Variants in PCDHGA4 observed in about 807,000 individuals in gnomAD.
PCDHGA4 encodes protocadherin gamma-A4.
Under a neutral mutation model 54.6 loss-of-function variants are expected in PCDHGA4, and 38 were observed. The ratio of observed to expected loss-of-function variants is 0.70; its 90% CI spans 0.54 to 0.91. PCDHGA4 has a LOEUF of 0.91. Among genes scored for constraint, PCDHGA4 ranks in the 40% least tolerant of loss-of-function variants. The probability of loss-of-function intolerance (pLI) is 0.00; values close to 1 mark genes in which losing one functional copy is unlikely to be tolerated. For synonymous variants in PCDHGA4, 511 were observed against 512.9 expected (o/e 1.00, Z 0.05); for missense variants, 1,298 against 1,220.9 (o/e 1.06, Z -0.94).
Position 141,485,418 on chromosome 5 carries a change from G to A in PCDHGA4, c.2515-9389G>A. ...CACTTCCGTGTGGATTTGGACAGCG[G>A]AGCCCTGCTCATCAAGAACCCAATC... On this transcript the variant is annotated intron_variant, in intron 1 of 3. Transcript: ENST00000571252. This position sits in a 1 kb window ranked among gnomAD's most constrained non-coding sequence, Gnocchi z 5.7. 6.2e-7 allele frequency: 1 copy of A among 1,614,174 alleles called. No homozygotes were observed. The highest frequency in any genetic ancestry group is 8.5e-7 in the Non-Finnish European group (1 of 1,180,042).
At chr5:141,397,693 A>G (rs1389804077) in intron 1 of PCDHGA4, among the ~76,000 whole-genome samples, 2 of 152,244 alleles carry the variant, frequency 1.3e-5, no homozygotes, top group East Asian at 1.9e-4. Flanking sequence ...TTGTATAAAA[A>G]CCCAACGTGA....
chr5:141,379,850 ATTATTGTCTTATTCTTAT>A (rs1302175225), intron 1 of PCDHGA4, among the ~76,000 whole-genome samples: 1 of 133,230 alleles, frequency 7.5e-6, no homozygotes, highest in African/African-American at 2.8e-5. Flanking sequence ...AAACTACCAA[ATTATTGTCTTATTCTTAT>A]TTTATGGTCT....
chr5:141,413,695 T>C lies in PCDHGA4; in HGVS notation c.2514+56074T>C, dbSNP rs573363878. The C allele has an allele frequency of 4.8e-5, 77 of 1,613,796 alleles. 1 individual carries two copies. The highest frequency in any genetic ancestry group is 3.0e-4 in the South Asian group (27 of 91,078). ...TGTGGGCGTGAACTCCCTGCAGAGC[T>C]ATCAGCTCAGCCCCAATAAGCACTT... On this transcript the variant is annotated intron_variant, in intron 1 of 3. Transcript: ENST00000571252.
At chr5:141,417,706 A>T in intron 1 of PCDHGA4, 1 of 1,214,910 alleles carries the variant, frequency 8.2e-7, no homozygotes, top group Non-Finnish European at 1.1e-6. Flanking sequence ...TCCCACACAG[A>T]GGCTCCCGGC....
intron 1 of PCDHGA4, chr5:141,398,475 T>C (rs1201280028): frequency 2.0e-5 from 32 of 1,607,296 alleles, no homozygotes; most frequent in Admixed American, 1.7e-4. Flanking sequence ...CACTGAACTT[T>C]TATCACGTGA....
chr5:141,385,258 A>G lies in PCDHGA4; in HGVS notation c.2514+27637A>G, dbSNP rs1490610927. ...GCTCATCAGCCAGGAGAGCTGTGAG[A>G]AAAATGATTCTTTGCTAACATCCGT... On this transcript the variant is annotated intron_variant, in intron 1 of 3. Coordinates refer to ENST00000571252, the MANE Select transcript of PCDHGA4 (RefSeq NM_018917.4). 6 of 1,613,776 alleles carry G rather than the reference A, an allele frequency of 3.7e-6. No individual in the cohort carries two copies. In the South Asian group the frequency reaches 6.6e-5, roughly 18 times the overall value.
chr5:141,392,830 G>A lies in PCDHGA4; in HGVS notation c.2514+35209G>A, dbSNP rs747812941. ...AAAACAACAATGGCCGCTCCACAGA[G>A]TCGCCCCAGACGCGGCGAGCTGATC... On this transcript the variant is annotated intron_variant, in intron 1 of 3. Transcript: ENST00000571252. The A allele has an allele frequency of 1.6e-5, 26 of 1,604,568 alleles. No individual in the cohort carries two copies. Among genetic ancestry groups the A allele is most frequent in the Non-Finnish European group, 2.0e-5 (24 of 1,175,404 alleles).
chr5:141,390,322 C>G, intron 1 of PCDHGA4: 1 of 1,606,310 alleles, frequency 6.2e-7, no homozygotes, highest in South Asian at 1.1e-5. Context: ...CATTGCCTAC[C>G]CATTTCTCCA....
At chr5:141,400,294 T>TTGCC (rs1347415154) in intron 1 of PCDHGA4, 1 of 1,614,070 alleles carries the variant, frequency 6.2e-7, no homozygotes, top group African/African-American at 1.3e-5. Context: ...CTGGAGCTGC[T>TTGCC]TCCAACCTGG....
chr5:141,402,855 T>G, intron 1 of PCDHGA4: 1 of 1,425,070 alleles, frequency 7.0e-7, no homozygotes, highest in Non-Finnish European at 9.2e-7. Flanking sequence ...CTCTTTCTTC[T>G]AAGGAAAAGA....
intron 1 of PCDHGA4, chr5:141,404,780 AAGGCCAGTGAGCC>A: frequency 6.2e-7 from 1 of 1,612,764 alleles, no homozygotes; most frequent in Non-Finnish European, 8.5e-7. Context: ...CCGCCTATTC[AAGGCCAGTGAGCC>A]AGGGCTCTTC....
chr5:141,395,022 G>T, intron 1 of PCDHGA4: 1 of 1,614,128 alleles, frequency 6.2e-7, no homozygotes, highest in Non-Finnish European at 8.5e-7. Context: ...AGGCGTGCCT[G>T]CCTCACATTT....
At chr5:141,494,770 C>A (rs767006872) in intron 1 of PCDHGA4, 37 bp from the exon 2 acceptor site, 14 of 1,613,904 alleles carry the variant, frequency 8.7e-6, no homozygotes, top group Non-Finnish European at 1.1e-5. Flanking sequence ...TAACTTCTCA[C>A]GGGTACTCAG....
At chr5:141,475,322 G>A (rs1352768659) in intron 1 of PCDHGA4, among the ~76,000 whole-genome samples, 1 of 152,204 alleles carries the variant, frequency 6.6e-6, no homozygotes, top group African/African-American at 2.4e-5. Flanking sequence ...CTTAAGAAAT[G>A]AGAGCTAACA....
chr5:141,361,653 C>A, intron 1 of PCDHGA4: 2 of 1,613,770 alleles, frequency 1.2e-6, no homozygotes, highest in Non-Finnish European at 1.7e-6. Context: ...CCTACGTGTC[C>A]GTGAGCGCGC....
chr5:141,379,268 T>C (rs1775481611), intron 1 of PCDHGA4: 1 of 152,258 alleles, frequency 6.6e-6, no homozygotes, highest in Non-Finnish European at 1.5e-5. Flanking sequence ...GGAATTGTTA[T>C]AGATTTATTT....
At chr5:141,451,179 T>C (rs1039062167) in intron 1 of PCDHGA4, among the ~76,000 whole-genome samples, 6 of 152,162 alleles carry the variant, frequency 3.9e-5, no homozygotes, top group Non-Finnish European at 8.8e-5. Flanking sequence ...TATTTAGCCA[T>C]TGCTGTGTAA....
At chr5:141,376,316 G>A (rs1178295234) in intron 1 of PCDHGA4, 2 of 1,614,224 alleles carry the variant, frequency 1.2e-6, no homozygotes, top group Non-Finnish European at 1.7e-6. Flanking sequence ...GGGCGTGGAA[G>A]GGGTTCGGGC....
chr5:141,511,730 T>C lies in PCDHGA4; in HGVS notation c.*557T>C, dbSNP rs772107999. 5.1e-5 allele frequency: 9 copies of C among 177,790 alleles called. No homozygotes were observed. The highest frequency in any genetic ancestry group is 5.3e-5 in the Admixed American group (1 of 18,706). The allele number at this position is 177,790 out of a possible 1,614,324, so 11.0% of individuals were successfully genotyped here. On this transcript the variant is annotated 3_prime_UTR_variant, in exon 4 of 4. Transcript: ENST00000571252. ...ACCTCCTTCCAGAGCCCAAGATCAA[T>C]GCTCAAGTTTTGGAGGACATGATCA...
Sources: gnomAD v4.1 joint callset for allele counts (sites outside exome capture counted in the v4.1 genomes callset) on GRCh38, gnomAD v4.1.1 for gene constraint, Gnocchi (gnomAD v3.1) non-coding constraint, MANE v1.5 for transcripts, NCBI Gene and HGNC (gene_info 2026-07-23, HGNC 2026-07-21) for gene names.